The following CACNA2D4 variants were observed in gnomAD, a reference collection of about 807,000 sequenced individuals.
CACNA2D4 encodes the protein calcium voltage-gated channel auxiliary subunit alpha2delta 4, also known as voltage-dependent calcium channel subunit alpha-2/delta-4.
Under a neutral mutation model 163.8 loss-of-function variants are expected in CACNA2D4, and 157 were observed. That is an observed-to-expected ratio of 0.96 (90% CI 0.84 to 1.09). CACNA2D4 has a LOEUF of 1.09. CACNA2D4 is among the 50% of genes least tolerant of loss of function. CACNA2D4 has a pLI of 0.00. For missense variants in CACNA2D4, 1,410 were observed against 1,479.9 expected (o/e 0.95, Z 0.78); for synonymous variants, 598 against 586.9 (o/e 1.02, Z -0.27).
At chr12:1,821,765 C>T (rs74422092) in intron 26 of CACNA2D4, among the ~76,000 whole-genome samples, 1,839 of 152,262 alleles carry the variant, frequency 0.012, 16 homozygotes, top group South Asian at 0.024. Flanking sequence ...GACCAGGAGT[C>T]GGAAGTTCAC....
Position 1,874,911 on chromosome 12 carries a change from G to T in CACNA2D4, c.1807-236C>A, listed in dbSNP as rs1182257694. ...GTGCACTGATGCATTGGGGTACAGA[G>T]TGCCAAGTTGCTGGGACATAATTTC... On this transcript the variant is annotated intron_variant, in intron 17 of 37. Transcript: ENST00000382722. The surrounding 1 kb of genome is among the most constrained non-coding windows in gnomAD (Gnocchi z 4.4). Among the ~76,000 whole-genome samples the T allele has an allele frequency of 6.6e-6, 1 of 152,162 alleles. No homozygotes were observed. Among genetic ancestry groups the T allele is most frequent in the African/African-American group, 2.4e-5 (1 of 41,426 alleles).
At chr12:1,860,477 G>A (rs1392195493) in intron 18 of CACNA2D4, among the ~76,000 whole-genome samples, 1 of 152,258 alleles carries the variant, frequency 6.6e-6, no homozygotes, top group African/African-American at 2.4e-5. Flanking sequence ...CCCCTAAGCA[G>A]CACTGAGCAC....
Position 1,878,558 on chromosome 12 carries a change from G to A in CACNA2D4, c.1645-169C>T. On this transcript the variant is annotated intron_variant, in intron 15 of 37. Coordinates refer to ENST00000382722, the MANE Select transcript of CACNA2D4 (RefSeq NM_172364.5). The surrounding 1 kb of genome is among the most constrained non-coding windows in gnomAD (Gnocchi z 4.6). ...GTGCCATGCTTCCATCATTGATTGA[G>A]GAGTCCTTTCCAAACCGGACTGTTT... 7.7e-7 allele frequency: 1 copy of A among 1,295,498 alleles called. No individual in the cohort carries two copies. Among genetic ancestry groups the A allele is most frequent in the East Asian group, 2.5e-5 (1 of 39,546 alleles). The allele number at this position is 1,295,498 out of a possible 1,614,324, so 80.3% of individuals were successfully genotyped here. A position where few individuals can be genotyped will look rare whatever the true frequency, so the allele number is the denominator to read the frequency against.
intron 23 of CACNA2D4, among the ~76,000 whole-genome samples, chr12:1,852,852 C>A (rs955534958): frequency 2.6e-5 from 4 of 152,060 alleles, no homozygotes; most frequent in Non-Finnish European, 4.4e-5. Context: ...ACTTTCGAGG[C>A]GTATGACCTC....
Position 1,828,279 on chromosome 12 carries a change from G to A in CACNA2D4, c.2551+12460C>T, listed in dbSNP as rs781740384. On this transcript the variant is annotated intron_variant, in intron 26 of 37. Transcript: ENST00000382722. This position sits in a 1 kb window ranked among gnomAD's most constrained non-coding sequence, Gnocchi z 4.2. ...GGTGGGGGTGCCGAGGTGACTGTAG[G>A]TAGCGCCATATGGGACCTTAGCCAC... is the stretch of plus-strand genomic sequence containing the variant. 4.7e-5 allele frequency: 66 copies of A among 1,409,186 alleles called. No homozygotes were observed. Among genetic ancestry groups the A allele is most frequent in the Non-Finnish European group, 5.9e-5 (62 of 1,042,264 alleles). 87.3% of individuals were successfully genotyped at this position (1,409,186 alleles called of 1,614,324 possible).
At chr12:1,801,536 GT>G in intron 30 of CACNA2D4, 37 bp downstream of exon 30, 1 of 1,478,450 alleles carries the variant, frequency 6.8e-7, no homozygotes, top group Non-Finnish European at 9.3e-7. Flanking sequence ...TCGGTTTGCT[GT>G]GTCTATTTGG....
At chr12:1,850,466 C>T (rs952287470) in intron 23 of CACNA2D4, among the ~76,000 whole-genome samples, 1 of 152,182 alleles carries the variant, frequency 6.6e-6, no homozygotes, top group South Asian at 2.1e-4. Flanking sequence ...TTTTCAAAGT[C>T]CTTTGTCGTG....
intron 22 of CACNA2D4, among the ~76,000 whole-genome samples, chr12:1,854,664 C>T (rs1865362215): frequency 2.0e-5 from 3 of 152,130 alleles, no homozygotes; most frequent in Admixed American, 2.0e-4. Flanking sequence ...CCTTGGCCTC[C>T]TAAAGTGCTG....
At chr12:1,800,512 C>T (rs1863279654) in intron 31 of CACNA2D4, 74 bp from the exon 32 acceptor site, 8 of 1,480,146 alleles carry the variant, frequency 5.4e-6, no homozygotes, top group Admixed American at 1.7e-5. Context: ...CCACCAGCAC[C>T]ACCCTCAGAG....
chr12:1,816,475 G>A (rs57988383), intron 26 of CACNA2D4, among the ~76,000 whole-genome samples: 5,715 of 150,334 alleles, frequency 0.038, 352 homozygotes, highest in African/African-American at 0.13. Flanking sequence ...GCTGACCTGG[G>A]TCCCTTCCCT....
chr12:1,876,795 G>C (rs1393674030), intron 16 of CACNA2D4, among the ~76,000 whole-genome samples: 1 of 152,074 alleles, frequency 6.6e-6, no homozygotes, highest in African/African-American at 2.4e-5. Flanking sequence ...TGTTTCCTTT[G>C]GGTGGGGCTC....
rs991302039 is a variant in CACNA2D4, at chr12:1,843,388, T to C, written c.2470+1014A>G. Reference sequence around the variant, plus strand: ...GAAGGCCTTTGGCAGAAGGGCGTCCTAAAGGGGAAGTTCTGAGTGACCCCA... The same window carrying C: ...GAAGGCCTTTGGCAGAAGGGCGTCCCAAAGGGGAAGTTCTGAGTGACCCCA... On this transcript the variant is annotated intron_variant, in intron 25 of 37. Transcript: ENST00000382722. This position sits in a 1 kb window ranked among gnomAD's most constrained non-coding sequence, Gnocchi z 4.6. Among the ~76,000 whole-genome samples the C allele has an allele frequency of 1.3e-5, 2 of 152,196 alleles. No homozygotes were observed. Among genetic ancestry groups the C allele is most frequent in the Admixed American group, 6.5e-5 (1 of 15,284 alleles).
Position 1,875,320 on chromosome 12 carries a change from T to C in CACNA2D4, c.1737A>G (p.Lys579=). The C allele has an allele frequency of 6.2e-7, 1 of 1,613,492 alleles. No individual in the cohort carries two copies. The highest frequency in any genetic ancestry group is 8.5e-7 in the Non-Finnish European group (1 of 1,179,438). The change falls in exon 17 of 38, where the codon AAA becomes AAG. Residue 579 remains lysine, a synonymous_variant. Transcript: ENST00000382722. This position sits in a 1 kb window ranked among gnomAD's most constrained non-coding sequence, Gnocchi z 4.0. ...TGTTGTAGTTAGGTTTGGGTTTTAG[T>C]TTCTTCCCCTCTCTGTACTGGAGTG... is the stretch of plus-strand genomic sequence containing the variant. The part of the protein sequence containing the change: ...DLRPLYREGK[K]LKPKPNYNSV...
In CACNA2D4 at chr12:1,802,193, A is replaced by G. The variant is rs1280296986; in HGVS notation, c.2722-549T>C. On this transcript the variant is annotated intron_variant, in intron 29 of 37. Coordinates refer to ENST00000382722, the MANE Select transcript of CACNA2D4 (RefSeq NM_172364.5). The surrounding 1 kb of genome is among the most constrained non-coding windows in gnomAD (Gnocchi z 4.7). ...TGCTGTCCCTCCATCACCTCCCACA[A>G]TCAGTGTGCCCTGTGGATCGGTCAT... is the stretch of plus-strand genomic sequence containing the variant. 6.6e-6 allele frequency among the ~76,000 whole-genome samples: 1 copy of G among 151,974 alleles called. No homozygotes were observed. The highest frequency in any genetic ancestry group is 1.5e-5 in the Non-Finnish European group (1 of 67,990).
chr12:1,831,086 C>T (rs780636152), intron 26 of CACNA2D4: 1 of 1,614,076 alleles, frequency 6.2e-7, no homozygotes, highest in Admixed American at 1.7e-5. Flanking sequence ...CCCGAACCCT[C>T]TTGCTCTTGA....
chr12:1,834,231 G>A lies in CACNA2D4; in HGVS notation c.2551+6508C>T. ...GGGAGAGGGAGTGCAAGTTCTAGAT[G>A]CCTGGTCAGCCCCTCTTTTTCTCTT... On this transcript the variant is annotated intron_variant, in intron 26 of 37. Coordinates refer to ENST00000382722, the MANE Select transcript of CACNA2D4 (RefSeq NM_172364.5). The surrounding 1 kb of genome is among the most constrained non-coding windows in gnomAD (Gnocchi z 7.6). 6.6e-7 allele frequency: 1 copy of A among 1,521,582 alleles called. No individual in the cohort carries two copies. Among genetic ancestry groups the A allele is most frequent in the Non-Finnish European group, 8.8e-7 (1 of 1,134,346 alleles). The allele number at this position is 1,521,582 out of a possible 1,614,324, so 94.3% of individuals were successfully genotyped here.
Position 1,797,546 on chromosome 12 carries a change from A to G in CACNA2D4, c.2996-11T>C, listed in dbSNP as rs775680741. 6.5e-6 allele frequency: 10 copies of G among 1,549,198 alleles called. No homozygotes were observed. The highest frequency in any genetic ancestry group is 8.7e-6 in the Non-Finnish European group (10 of 1,146,692). ...TCTTGTGTTTGTGGGCTGCGGGCGG[A>G]GAAAGGACATCACGCCACCGAAGGG... On this transcript the variant is annotated splice_polypyrimidine_tract_variant and intron_variant, in intron 34 of 37. Transcript: ENST00000382722.
At chr12:1,904,789 TA>T (rs1174604910) in intron 6 of CACNA2D4, among the ~76,000 whole-genome samples, 1 of 151,856 alleles carries the variant, frequency 6.6e-6, no homozygotes, top group African/African-American at 2.4e-5. Context: ...TGTTTCCCTA[TA>T]AAAAATCAGC....
intron 2 of CACNA2D4, among the ~76,000 whole-genome samples, chr12:1,914,152 G>C (rs1162671471): frequency 6.6e-6 from 1 of 152,218 alleles, no homozygotes; most frequent in African/African-American, 2.4e-5. Flanking sequence ...ATAAGAGCCT[G>C]GGATTCAGGA....
Sources: gnomAD v4.1 joint callset for allele counts (sites outside exome capture counted in the v4.1 genomes callset) on GRCh38, gnomAD v4.1.1 for gene constraint, Gnocchi (gnomAD v3.1) non-coding constraint, MANE v1.5 for transcripts, NCBI Gene and HGNC (gene_info 2026-07-23, HGNC 2026-07-21) for gene names.